Variants in CEP152 observed in about 807,000 individuals in gnomAD.
The protein encoded by CEP152 is centrosomal protein 152.
In CEP152, 132 loss-of-function variants were observed where a neutral mutation model predicts 188.9. The ratio of observed to expected loss-of-function variants is 0.70; its 90% CI spans 0.61 to 0.81. The LOEUF is 0.81. CEP152 is among the 30% of genes least tolerant of loss of function. CEP152 has a pLI of 0.00. For synonymous variants in CEP152, 649 were observed against 666.6 expected (o/e 0.97, Z 0.41); for missense variants, 1,914 against 1,969.8 (o/e 0.97, Z 0.54).
chr15:48,759,463 A>C (rs1234904749), intron 19 of CEP152, among the ~76,000 whole-genome samples: 1 of 152,184 alleles, frequency 6.6e-6, no homozygotes, highest in Non-Finnish European at 1.5e-5. Flanking sequence ...CCTGTATTGC[A>C]CTGAATTAAA....
chr15:48,761,103 C>T (rs1894651130), intron 18 of CEP152, among the ~76,000 whole-genome samples: 1 of 152,106 alleles, frequency 6.6e-6, no homozygotes, highest in South Asian at 2.1e-4. Flanking sequence ...CTGTATTATG[C>T]TATTTAAGAT....
At position 48,741,607 on chromosome 15, in the gene CEP152, G is replaced by A. The variant is rs201442213; in HGVS notation, c.4087C>T (p.Gln1363Ter). 36 of 1,614,124 alleles carry A rather than the reference G, an allele frequency of 2.2e-5. No homozygotes were observed. In the African/African-American group the frequency reaches 4.5e-4, roughly 20 times the overall value. ...ISSKSQSKTTQSALPLTSEML... is the reference protein window; with the variant it reads ...ISSKSQSKTT ...GCGACTCACTTTGACATACCTGACTGTGTAGTTTTGCTTTGGGACTTACTA... is the reference window on the plus strand; with the variant it reads ...GCGACTCACTTTGACATACCTGACTATGTAGTTTTGCTTTGGGACTTACTA... Residue 1363 changes from glutamine to a stop codon, truncating the protein, a stop_gained, in exon 26 of 27, where the codon CAG becomes TAG. Transcript: ENST00000380950. LOFTEE classifies it low-confidence loss of function (END_TRUNC).
chr15:48,793,563 C>A, intron 6 of CEP152, 102 bp from the exon 7 acceptor site: 1 of 997,050 alleles, frequency 1.0e-6, no homozygotes, highest in Non-Finnish European at 1.5e-6. Context: ...CCTTTTAGAG[C>A]ATCATGAAAT....
At chr15:48,801,289 G>A (rs1031862680) in intron 2 of CEP152, among the ~76,000 whole-genome samples, 10 of 152,098 alleles carry the variant, frequency 6.6e-5, no homozygotes, top group Non-Finnish European at 1.3e-4. Flanking sequence ...AAATGCTTCC[G>A]CAATTACATC....
chr15:48,760,392 A>G (rs1223783801), intron 18 of CEP152, 126 bp from the exon 19 acceptor site: 1 of 1,117,114 alleles, frequency 9.0e-7, no homozygotes, highest in East Asian at 2.5e-5. Flanking sequence ...AGTCAAACTG[A>G]CTGCAAGTAC....
At chr15:48,736,748 A>G (rs933112940), downstream of CEP152, among the ~76,000 whole-genome samples, 1 of 152,218 alleles carries the variant, frequency 6.6e-6, no homozygotes, top group African/African-American at 2.4e-5. Context: ...AGCAGAAAGC[A>G]AGAGAACTTC....
Position 48,772,585 on chromosome 15 carries a change from G to A in CEP152, c.1684C>T (p.His562Tyr), listed in dbSNP as rs1895634177. 21 of 1,613,856 alleles carry A rather than the reference G, an allele frequency of 1.3e-5. No individual in the cohort carries two copies. The highest frequency in any genetic ancestry group is 1.7e-5 in the Non-Finnish European group (20 of 1,179,940). ...TCATTTTGTAACTGAGACACCAGATGACGCTTCATTGAGTTGCTACCCAGC... is the reference window on the plus strand; with the variant it reads ...TCATTTTGTAACTGAGACACCAGATAACGCTTCATTGAGTTGCTACCCAGC... ...RLLGSNSMKR[H>Y]LVSQLQNDLK... The change falls in exon 13 of 27, where the codon CAT becomes TAT. Residue 562 changes from histidine (H) to tyrosine (Y), a missense_variant. By Grantham distance (83) the His-to-Tyr change is moderately conservative. Coordinates refer to ENST00000380950, the MANE Select transcript of CEP152 (RefSeq NM_001194998.2).
intron 12 of CEP152, among the ~76,000 whole-genome samples, chr15:48,774,027 T>C (rs1029837228): frequency 1.7e-4 from 26 of 152,128 alleles, no homozygotes; most frequent in African/African-American, 5.8e-4. Context: ...TTAAGGAAGA[T>C]ATGAATATGT....
intron 22 of CEP152, 101 bp from the exon 23 acceptor site, chr15:48,745,093 A>C: frequency 1.3e-6 from 1 of 782,704 alleles, no homozygotes; most frequent in Admixed American, 3.3e-5. Flanking sequence ...AGACTGTGCA[A>C]TTTCCAGTCG....
downstream of CEP152, among the ~76,000 whole-genome samples, chr15:48,735,331 C>G (rs372819884): frequency 6.6e-6 from 1 of 152,156 alleles, no homozygotes; most frequent in Admixed American, 6.5e-5. Flanking sequence ...TACAACATAT[C>G]AAAACATATG....
intron 22 of CEP152, among the ~76,000 whole-genome samples, chr15:48,745,374 G>A (rs987384681): frequency 6.6e-6 from 1 of 151,860 alleles, no homozygotes; most frequent in East Asian, 1.9e-4. Flanking sequence ...CATGCACCTC[G>A]ATATAAAACA....
chr15:48,757,408 T>C (rs771329904), intron 19 of CEP152, among the ~76,000 whole-genome samples: 1 of 152,244 alleles, frequency 6.6e-6, no homozygotes, highest in Non-Finnish European at 1.5e-5. Context: ...GCCCAGAGCC[T>C]GGCAGATGAT....
intron 1 of CEP152, among the ~76,000 whole-genome samples, 169 bp from the exon 2 acceptor site, chr15:48,805,825 T>C (rs62009409): frequency 0.025 from 3,743 of 152,168 alleles, 65 homozygotes; most frequent in Non-Finnish European, 0.037. Context: ...TCACCGAAAA[T>C]AGCTATATGA....
intron 19 of CEP152, 36 bp from the exon 20 acceptor site, chr15:48,756,589 T>C: frequency 6.3e-7 from 1 of 1,594,240 alleles, no homozygotes; most frequent in Non-Finnish European, 8.5e-7. Context: ...TGAAAGTCTT[T>C]ATGATTCTCC....
intron 9 of CEP152, among the ~76,000 whole-genome samples, chr15:48,787,248 GCCTCGAC>G (rs1485261165): frequency 1.5e-5 from 2 of 137,772 alleles, no homozygotes; most frequent in Non-Finnish European, 3.0e-5. Flanking sequence ...GCTCACTGCA[GCCTCGAC>G]CTCCTGAGCT....
chr15:48,808,339 T>A (rs1002102073), intron 1 of CEP152, among the ~76,000 whole-genome samples: 2 of 150,756 alleles, frequency 1.3e-5, no homozygotes, highest in African/African-American at 4.9e-5. Flanking sequence ...AAAAATAAAA[T>A]TTTGTTTAAG....
chr15:48,731,076 C>T (rs893221826), intron 2 of CEP152, among the ~76,000 whole-genome samples: 10 of 152,308 alleles, frequency 6.6e-5, no homozygotes, highest in African/African-American at 2.4e-4. Context: ...ATTTCACTTA[C>T]ATGAGATTTC....
rs1892733604 is a variant in CEP152 at position 48,738,600 on chromosome 15, C to T, written c.4782G>A (p.Arg1594=). ...TTGGTATTTCCAAAGTTCCTTGTGG[C>T]CTACCATGTACAAATGATGCTTCAC... The part of the protein sequence containing the change: ...DSREASFVHG[R]PQGTLEIPSE... The change falls in exon 27 of 27, where the codon AGG becomes AGA. Residue 1594 remains arginine, a synonymous_variant. Transcript: ENST00000380950. 1.2e-6 allele frequency: 2 copies of T among 1,614,192 alleles called. No homozygotes were observed. The highest frequency in any genetic ancestry group is 8.5e-7 in the Non-Finnish European group (1 of 1,180,024).
intron 15 of CEP152, 48 bp from the exon 16 acceptor site, chr15:48,767,511 AC>A: frequency 1.9e-6 from 3 of 1,613,260 alleles, no homozygotes; most frequent in Non-Finnish European, 2.5e-6. Context: ...CACTACGAAC[AC>A]CAAAATGAAT....
Sources: allele counts gnomAD v4.1 joint callset (sites outside exome capture counted in the v4.1 genomes callset), GRCh38; gene constraint gnomAD v4.1.1; transcripts MANE v1.5; gene names NCBI Gene and HGNC (gene_info 2026-07-23, HGNC 2026-07-21).